The following KNTC1 variants were observed in gnomAD, a reference collection of about 807,000 sequenced individuals.
The protein encoded by KNTC1 is kinetochore-associated protein 1.
Under a neutral mutation model 314.4 loss-of-function variants are expected in KNTC1, and 253 were observed. That is an observed-to-expected ratio of 0.80 (90% CI 0.73 to 0.89). KNTC1 has a LOEUF of 0.89. KNTC1 is among the 40% of genes least tolerant of loss of function. The pLI is 0.00. For synonymous variants in KNTC1, 901 were observed against 901.4 expected, an observed-to-expected ratio of 1.00 and a Z score of 0.01; for missense variants, 2,475 against 2,572.9, an observed-to-expected ratio of 0.96 and a Z score of 0.82.
At chr12:122,556,073 C>T (rs766835242) in intron 16 of KNTC1, among the ~76,000 whole-genome samples, 2 of 151,556 alleles carry the variant, frequency 1.3e-5, no homozygotes, top group Admixed American at 6.6e-5. Flanking sequence ...GGTGCAGTGG[C>T]GCGATTTTGG....
chr12:122,595,050 A>G (rs1470505309), intron 43 of KNTC1, among the ~76,000 whole-genome samples: 1 of 151,982 alleles, frequency 6.6e-6, no homozygotes, highest in Non-Finnish European at 1.5e-5. Context: ...TAATTTTTAT[A>G]TTTTTAATAG....
At chr12:122,551,565 A>G in intron 15 of KNTC1, 42 bp downstream of exon 15, 1 of 1,600,884 alleles carries the variant, frequency 6.2e-7, no homozygotes, top group Non-Finnish European at 8.6e-7. Context: ...TTTAGTGAAT[A>G]ACTTAAATTC....
intron 20 of KNTC1, among the ~76,000 whole-genome samples, chr12:122,565,515 ATT>A (rs60788698): frequency 6.2e-4 from 91 of 147,206 alleles, no homozygotes; most frequent in East Asian, 3.0e-3. Flanking sequence ...TGTTATTATT[ATT>A]TTTTTTTTTT....
At position 122,603,118 on chromosome 12, in the gene KNTC1, C is replaced by T. The variant is rs1872159613; in HGVS notation, c.4976C>T (p.Ser1659Phe). ...CTCCTGAAGTTAACACAAGCTAAAT[C>T]CTCAACACTGATTAACAAGGAAATA... ...PKLLKLTQAKSSTLINKEITK... is the reference protein window; with the variant it reads ...PKLLKLTQAKFSTLINKEITK... The change falls in exon 48 of 64, where the codon TCC becomes TTC. Residue 1659 changes from serine (S) to phenylalanine (F), a missense_variant. Physicochemically the swap from Ser to Phe is radical, Grantham distance 155 (BLOSUM62 -2). Transcript: ENST00000333479. The T allele has an allele frequency of 8.7e-6, 14 of 1,613,766 alleles. No homozygotes were observed. Among genetic ancestry groups the T allele is most frequent in the Non-Finnish European group, 1.1e-5 (13 of 1,179,838 alleles).
Position 122,600,295 on chromosome 12 carries a change from C to T in KNTC1, c.4564-1241C>T, listed in dbSNP as rs546217440. 3.9e-5 allele frequency among the ~76,000 whole-genome samples: 6 copies of T among 152,242 alleles called. No homozygotes were observed. In the South Asian group the frequency reaches 1.2e-3, roughly 32 times the overall value. ...TGTATTTTTAATAGAGACAAGATTT[C>T]GCCATGTTGGCCAGGCTGGTCTCAA... is the stretch of plus-strand genomic sequence containing the variant. On this transcript the variant is annotated intron_variant, in intron 44 of 63. Coordinates refer to ENST00000333479, the MANE Select transcript of KNTC1 (RefSeq NM_014708.6).
At chr12:122,615,404 G>C in intron 56 of KNTC1, 66 bp from the exon 57 acceptor site, 1 of 1,283,682 alleles carries the variant, frequency 7.8e-7, no homozygotes, top group East Asian at 2.5e-5. Flanking sequence ...TTAACATCTG[G>C]TATTTCACAT....
intron 51 of KNTC1, chr12:122,609,164 C>T (rs755139811): frequency 1.6e-5 from 8 of 504,986 alleles, no homozygotes; most frequent in Non-Finnish European, 2.8e-5. Context: ...AGAATTGTGT[C>T]TATCATATAG....
Position 122,610,871 on chromosome 12 carries a change from C to T in KNTC1, c.5593C>T (p.Leu1865=). 1 of 1,613,398 alleles carries T rather than the reference C, an allele frequency of 6.2e-7. No homozygotes were observed. The highest frequency in any genetic ancestry group is 8.5e-7 in the Non-Finnish European group (1 of 1,179,456). Residue 1865 remains leucine, a synonymous_variant, in exon 53 of 64, where the codon CTG becomes TTG. Coordinates refer to ENST00000333479, the MANE Select transcript of KNTC1 (RefSeq NM_014708.6). ...TCCAATTGATTATAGTTCAAGAATG[C>T]TGTTTGTATTTGCAACATCAACTAC... ...SRPIDYSSRM[L]FVFATSTTTT...
chr12:122,527,417 T>C (rs1322015930), intron 1 of KNTC1, 66 bp downstream of exon 1: 1 of 153,646 alleles, frequency 6.5e-6, no homozygotes, highest in African/African-American at 2.4e-5. Flanking sequence ...AGCTGCAGCC[T>C]CTGCTCAGTT....
At chr12:122,612,978 G>A (rs1873339742) in intron 53 of KNTC1, 134 bp from the exon 54 acceptor site, 2 of 638,534 alleles carry the variant, frequency 3.1e-6, no homozygotes, top group Admixed American at 2.8e-5. Context: ...GTTACACACA[G>A]TGCGTTCCGT....
chr12:122,585,081 AG>A (rs1232051005), intron 36 of KNTC1, 91 bp downstream of exon 36: 3 of 723,156 alleles, frequency 4.1e-6, no homozygotes, highest in African/African-American at 1.8e-5. Flanking sequence ...TCTGTCACCC[AG>A]GCTGGAGTGC....
At chr12:122,528,666 G>A (rs558676540) in intron 1 of KNTC1, among the ~76,000 whole-genome samples, 1 of 152,270 alleles carries the variant, frequency 6.6e-6, no homozygotes, top group Non-Finnish European at 1.5e-5. Context: ...CAAAACCCTA[G>A]GATGCTTAAG....
In KNTC1 at chr12:122,619,361, A is replaced by G. The variant is rs7959304; in HGVS notation, c.6149+816A>G. ...TAATATTTGTAGTTTTAGTAGAGACAGCCTCCCAAATTGCTGGGATTACAG... is the reference window on the plus strand; with the variant it reads ...TAATATTTGTAGTTTTAGTAGAGACGGCCTCCCAAATTGCTGGGATTACAG... On this transcript the variant is annotated intron_variant, in intron 59 of 63. Coordinates refer to ENST00000333479, the MANE Select transcript of KNTC1 (RefSeq NM_014708.6). Among the ~76,000 whole-genome samples the G allele has an allele frequency of 8.6e-3, 1,298 of 150,428 alleles. 16 individuals carry two copies. Among genetic ancestry groups the G allele is most frequent in the African/African-American group, 0.031 (1,255 of 40,984 alleles).
chr12:122,603,732 C>T (rs1384063457), intron 48 of KNTC1, among the ~76,000 whole-genome samples: 1 of 152,108 alleles, frequency 6.6e-6, no homozygotes, highest in Non-Finnish European at 1.5e-5. Flanking sequence ...ACCTTGTGAT[C>T]CGCCCGCCTC....
At chr12:122,623,359 G>A (rs1237828260) in intron 62 of KNTC1, among the ~76,000 whole-genome samples, 1 of 152,190 alleles carries the variant, frequency 6.6e-6, no homozygotes, top group Non-Finnish European at 1.5e-5. Context: ...ACTAAAGAAA[G>A]GGAAGTTCAA....
chr12:122,587,982 T>C, intron 39 of KNTC1, 108 bp downstream of exon 39: 2 of 911,764 alleles, frequency 2.2e-6, no homozygotes, highest in East Asian at 2.8e-5. Context: ...AGCAAGGAAA[T>C]TGGTAATTCG....
In KNTC1 at chr12:122,548,000, A is replaced by G. The variant is rs762107697; in HGVS notation, c.987+31A>G. ...GGAAAATTTTATTTTGTGCTTGCCT[A>G]TATTATGTGTTAGAAAAAGCATTAG... On this transcript the variant is annotated intron_variant, in intron 12 of 63. Transcript: ENST00000333479. 5.3e-5 allele frequency: 74 copies of G among 1,399,740 alleles called. No individual in the cohort carries two copies. The East Asian group carries it at 1.6e-3, about 31-fold the overall frequency. The allele number at this position is 1,399,740 out of a possible 1,614,324, so 86.7% of individuals were successfully genotyped here. A position where few individuals can be genotyped will look rare whatever the true frequency, so the allele number is the denominator to read the frequency against.
chr12:122,590,715 CAGA>C lies in KNTC1; in HGVS notation c.4110_4112del (p.Gln1370_Asn1371delinsHis). 3.7e-6 allele frequency: 6 copies of C among 1,612,890 alleles called. No homozygotes were observed. Among genetic ancestry groups the C allele is most frequent in the Non-Finnish European group, 5.1e-6 (6 of 1,179,304 alleles). On this transcript the variant is annotated inframe_deletion, in exon 41 of 64. Transcript: ENST00000333479. ...CTGGAAGCTCATAGATAAAGCATGG[CAGA>C]ATTACGACAAAATCTTGGTATGTCC...
chr12:122,544,201 T>C lies in KNTC1; in HGVS notation c.601T>C (p.Tyr201His). The change falls in exon 8 of 64, where the codon TAT becomes CAT. Residue 201 changes from tyrosine to histidine, a missense_variant. By Grantham distance (83) the Tyr-to-His change is moderately conservative (BLOSUM62 2). Transcript: ENST00000333479. Reference protein sequence around the residue: ...IKSSFISTENYHTLGCLSLVA... With the variant: ...IKSSFISTENHHTLGCLSLVA... ...GTCCAGTTTTATTTCTACTGAAAATTATCATACTCTTGGTTGTCTCAGTCT... is the reference window on the plus strand; with the variant it reads ...GTCCAGTTTTATTTCTACTGAAAATCATCATACTCTTGGTTGTCTCAGTCT... 6.3e-7 allele frequency: 1 copy of C among 1,584,084 alleles called. No homozygotes were observed. Among genetic ancestry groups the C allele is most frequent in the Non-Finnish European group, 8.5e-7 (1 of 1,170,240 alleles).
Sources: allele counts gnomAD v4.1 joint callset (sites outside exome capture counted in the v4.1 genomes callset), GRCh38; gene constraint gnomAD v4.1.1; transcripts MANE v1.5; gene names NCBI Gene and HGNC (gene_info 2026-07-23, HGNC 2026-07-21).